MTUS2: variants seen among roughly 807,000 people sequenced by gnomAD.
MTUS2 encodes the protein microtubule-associated tumor suppressor candidate 2.
In MTUS2, 40 loss-of-function variants were observed where a neutral mutation model predicts 114.1. That is an observed-to-expected ratio of 0.35 (90% CI 0.27 to 0.46). The LOEUF is 0.46. MTUS2 is among the 20% of genes least tolerant of loss of function. The pLI, the probability that MTUS2 is intolerant of heterozygous loss-of-function variation, is 1.00. For missense variants in MTUS2, 1,679 were observed against 1,705.4 expected, an observed-to-expected ratio of 0.98 and a Z score of 0.27; for synonymous variants, 688 against 672.0, an observed-to-expected ratio of 1.02 and a Z score of -0.37.
intron 11 of MTUS2, among the ~76,000 whole-genome samples, chr13:29,491,562 ATG>A (rs1882087435): frequency 1.7e-5 from 1 of 57,974 alleles, no homozygotes; most frequent in Non-Finnish European, 3.1e-5. Context: ...TGGTATATGT[ATG>A]TGGGGGAGTG....
At chr13:29,370,122 G>T (rs1207227899) in intron 8 of MTUS2, among the ~76,000 whole-genome samples, 1 of 152,124 alleles carries the variant, frequency 6.6e-6, no homozygotes, top group African/African-American at 2.4e-5. Context: ...GGCTGAGGTG[G>T]GTGGATCGCT....
At chr13:28,891,094 C>G (rs1027218371) in intron 2 of MTUS2, among the ~76,000 whole-genome samples, 2 of 152,174 alleles carry the variant, frequency 1.3e-5, no homozygotes, top group African/African-American at 2.4e-5. Flanking sequence ...ATAAGTCAGC[C>G]CTTTGCAGGG....
chr13:29,314,023 A>G (rs1037258240), intron 6 of MTUS2, among the ~76,000 whole-genome samples: 1 of 152,140 alleles, frequency 6.6e-6, no homozygotes, highest in Non-Finnish European at 1.5e-5. Flanking sequence ...TACCTCATGT[A>G]TACCTTTCTT....
chr13:28,951,648 A>T (rs1158451556), intron 2 of MTUS2, among the ~76,000 whole-genome samples: 1 of 151,962 alleles, frequency 6.6e-6, no homozygotes, highest in Non-Finnish European at 1.5e-5. Flanking sequence ...AAAATACAAA[A>T]ATGTGCTGGG....
intron 2 of MTUS2, among the ~76,000 whole-genome samples, chr13:28,868,177 G>A (rs1877411028): frequency 6.6e-6 from 1 of 152,190 alleles, no homozygotes; most frequent in Admixed American, 6.5e-5. Flanking sequence ...GATTTTGGAT[G>A]TGCATTTTAT....
Position 29,448,753 on chromosome 13 carries a change from CT to C in MTUS2, c.3184+8724del, listed in dbSNP as rs71090255. Among the ~76,000 whole-genome samples, 216 of 115,566 alleles carry C rather than the reference CT, an allele frequency of 1.9e-3. 4 individuals are homozygous for C. The South Asian group carries it at 0.029, about 16-fold the overall frequency. The allele number at this position is 115,566 out of a possible 152,430, so 75.8% of individuals were successfully genotyped here. A position where few individuals can be genotyped will look rare whatever the true frequency, so the allele number is the denominator to read the frequency against. ...AAATACAGTTGAAAAACAGAGTGCT[CT>C]TTTTTTTTTTTTTTTTTTTAAGATG... is the stretch of plus-strand genomic sequence containing the variant. On this transcript the variant is annotated intron_variant, in intron 9 of 15. Transcript: ENST00000612955.
rs966031391 is a variant in MTUS2 at position 29,447,611 on chromosome 13, T to G, written c.3184+7562T>G. 3.7e-3 allele frequency among the ~76,000 whole-genome samples: 376 copies of G among 102,634 alleles called. 2 individuals are homozygous for G. Among genetic ancestry groups the G allele is most frequent in the African/African-American group, 0.024 (362 of 15,318 alleles). The allele number at this position is 102,634 out of a possible 152,430, so 67.3% of individuals were successfully genotyped here. On this transcript the variant is annotated intron_variant, in intron 9 of 15. Transcript: ENST00000612955. The stretch of plus-strand genomic sequence containing the variant: ...TGGGGTATCTAAACTGTTGTCTCCA[T>G]TTTTTTTTTTTTTTTTTAATGCTGG...
At chr13:28,930,069 C>G (rs1881532443) in intron 2 of MTUS2, among the ~76,000 whole-genome samples, 1 of 152,056 alleles carries the variant, frequency 6.6e-6, no homozygotes, top group Non-Finnish European at 1.5e-5. Flanking sequence ...CTGGCTCAGT[C>G]ATGAGACATC....
intron 2 of MTUS2, among the ~76,000 whole-genome samples, chr13:28,914,619 G>C (rs1880643916): frequency 6.6e-6 from 1 of 152,064 alleles, no homozygotes; most frequent in Admixed American, 6.6e-5. Context: ...ATCTAGAGTT[G>C]AGTTCAGGTC....
intron 2 of MTUS2, among the ~76,000 whole-genome samples, chr13:28,998,577 G>A (rs1221488956): frequency 1.3e-5 from 2 of 152,142 alleles, no homozygotes; most frequent in Non-Finnish European, 2.9e-5. Flanking sequence ...TTTCTTGGAG[G>A]CTTTATTCAT....
At chr13:29,492,036 T>TA (rs879277804) in intron 11 of MTUS2, among the ~76,000 whole-genome samples, 10,627 of 116,786 alleles carry the variant, frequency 0.091, 555 homozygotes, top group Non-Finnish European at 0.13. Flanking sequence ...GTGTGTAGTG[T>TA]GTGTGTATGT....
intron 4 of MTUS2, among the ~76,000 whole-genome samples, chr13:29,049,513 G>C (rs9578071): frequency 0.28 from 41,950 of 152,184 alleles, 6,227 homozygotes; most frequent in African/African-American, 0.33. Flanking sequence ...TTAAAGGAAT[G>C]TCGAGGACTG....
chr13:28,994,621 T>A (rs1277369334), intron 2 of MTUS2, among the ~76,000 whole-genome samples: 1 of 152,214 alleles, frequency 6.6e-6, no homozygotes, highest in African/African-American at 2.4e-5. Context: ...TATCTCATTG[T>A]GGTTTTGATT....
At chr13:28,831,180 T>C (rs1874649068) in intron 1 of MTUS2, among the ~76,000 whole-genome samples, 1 of 152,046 alleles carries the variant, frequency 6.6e-6, no homozygotes, top group African/African-American at 2.4e-5. Context: ...ATGAAAATGA[T>C]ATATTGAAAA....
At chr13:29,454,936 A>T (rs1878994764) in intron 9 of MTUS2, among the ~76,000 whole-genome samples, 1 of 152,206 alleles carries the variant, frequency 6.6e-6, no homozygotes, top group Non-Finnish European at 1.5e-5. Flanking sequence ...CCACCAGTAC[A>T]CAGCTATAAA....
At chr13:29,276,391 G>GT (rs1248548599) in intron 5 of MTUS2, among the ~76,000 whole-genome samples, 1 of 152,100 alleles carries the variant, frequency 6.6e-6, no homozygotes, top group Non-Finnish European at 1.5e-5. Context: ...CTTGCAAATG[G>GT]TAAGTTGATG....
chr13:29,391,675 TATAA>T (rs1873484570), intron 8 of MTUS2, among the ~76,000 whole-genome samples: 1 of 151,324 alleles, frequency 6.6e-6, no homozygotes, highest in Non-Finnish European at 1.5e-5. Flanking sequence ...TGTGGCAAAA[TATAA>T]ATATAGTAAA....
intron 5 of MTUS2, among the ~76,000 whole-genome samples, chr13:29,128,403 A>C (rs1465100667): frequency 6.6e-6 from 1 of 152,214 alleles, no homozygotes; most frequent in African/African-American, 2.4e-5. Flanking sequence ...CAGATGATGC[A>C]GAGGGACTCA....
chr13:29,028,977 T>C (rs1886690295), intron 3 of MTUS2, among the ~76,000 whole-genome samples: 1 of 152,182 alleles, frequency 6.6e-6, no homozygotes, highest in African/African-American at 2.4e-5. Flanking sequence ...AAAGAATGCA[T>C]CAATCACAAC....
Sources: allele counts gnomAD v4.1 joint callset (sites outside exome capture counted in the v4.1 genomes callset), GRCh38; gene constraint gnomAD v4.1.1; transcripts MANE v1.5; gene names NCBI Gene and HGNC (gene_info 2026-07-23, HGNC 2026-07-21).